NEDD4L: variants seen among roughly 807,000 people sequenced by gnomAD.
The protein encoded by NEDD4L is E3 ubiquitin-protein ligase NEDD4-like.
NEDD4L carries 54 observed loss-of-function variants against 148.9 expected under a neutral mutation model. The observed-to-expected ratio is 0.36, with a 90% CI of 0.29 to 0.45. NEDD4L has a LOEUF of 0.45. NEDD4L is among the 20% of genes least tolerant of loss of function. The probability of loss-of-function intolerance (pLI) is 1.00; values close to 1 mark genes in which losing one functional copy is unlikely to be tolerated. For synonymous variants in NEDD4L, 433 were observed against 440.7 expected, an observed-to-expected ratio of 0.98 and a Z score of 0.22; for missense variants, 856 against 1,233.8, an observed-to-expected ratio of 0.69 and a Z score of 4.59.
At chr18:58,205,133 TC>T (rs1417211582) in intron 2 of NEDD4L, among the ~76,000 whole-genome samples, 3 of 152,272 alleles carry the variant, frequency 2.0e-5, no homozygotes, top group Non-Finnish European at 4.4e-5. Context: ...AAAGGTATCA[TC>T]TTTATTATGT....
At chr18:58,124,454 C>T (rs1186489453) in intron 1 of NEDD4L, among the ~76,000 whole-genome samples, 1 of 152,216 alleles carries the variant, frequency 6.6e-6, no homozygotes, top group East Asian at 1.9e-4. Flanking sequence ...CCAAGTGCTG[C>T]TCCAAGTGCC....
chr18:58,163,792 T>A (rs1417846584), intron 1 of NEDD4L, among the ~76,000 whole-genome samples: 1 of 152,172 alleles, frequency 6.6e-6, no homozygotes, highest in African/African-American at 2.4e-5. Context: ...GTGAAGTATC[T>A]CAAGGATGTG....
intron 1 of NEDD4L, among the ~76,000 whole-genome samples, chr18:58,104,417 G>A (rs375688887): frequency 8.9e-4 from 135 of 152,202 alleles, no homozygotes; most frequent in African/African-American, 3.1e-3. Context: ...GCAACCACGC[G>A]GACGTGGTGG....
chr18:58,139,928 CTT>C (rs1486858664), intron 1 of NEDD4L, among the ~76,000 whole-genome samples: 1 of 152,270 alleles, frequency 6.6e-6, no homozygotes, highest in East Asian at 1.9e-4. Context: ...GGCTCCTAGA[CTT>C]AGCATTTCAA....
At chr18:58,265,049 G>A (rs958285423) in intron 5 of NEDD4L, among the ~76,000 whole-genome samples, 1 of 151,908 alleles carries the variant, frequency 6.6e-6, no homozygotes, top group African/African-American at 2.4e-5. Context: ...ACTAAGCAAG[G>A]CATTGGGTGA....
intron 6 of NEDD4L, among the ~76,000 whole-genome samples, chr18:58,318,501 G>A (rs1227251446): frequency 2.0e-5 from 3 of 152,164 alleles, no homozygotes; most frequent in Non-Finnish European, 2.9e-5. Context: ...TTACTACGCT[G>A]AGCCGTGGTT....
intron 1 of NEDD4L, among the ~76,000 whole-genome samples, chr18:58,050,372 A>T (rs1343628750): frequency 6.6e-6 from 1 of 152,170 alleles, no homozygotes; most frequent in Non-Finnish European, 1.5e-5. Flanking sequence ...CTGGAGGCTG[A>T]GGCAGGAGAA....
chr18:58,078,797 G>A (rs927983660), intron 1 of NEDD4L, among the ~76,000 whole-genome samples: 7 of 152,176 alleles, frequency 4.6e-5, no homozygotes, highest in South Asian at 2.1e-4. Context: ...AAGGTGAAAC[G>A]TGGTATTGGT....
At chr18:58,097,268 T>G (rs2084474663) in intron 1 of NEDD4L, among the ~76,000 whole-genome samples, 1 of 152,168 alleles carries the variant, frequency 6.6e-6, no homozygotes, top group Admixed American at 6.5e-5. Flanking sequence ...GTTAAGAACA[T>G]GGAGAGAGCA....
intron 5 of NEDD4L, among the ~76,000 whole-genome samples, chr18:58,282,778 A>C (rs143055072): frequency 6.6e-6 from 1 of 152,362 alleles, no homozygotes; most frequent in Non-Finnish European, 1.5e-5. Flanking sequence ...GAAAAACCTA[A>C]GGAAATATAG....
At chr18:58,112,921 A>G (rs1203312542) in intron 1 of NEDD4L, among the ~76,000 whole-genome samples, 4 of 152,196 alleles carry the variant, frequency 2.6e-5, no homozygotes, top group East Asian at 1.9e-4. Flanking sequence ...TCCTGAGGGT[A>G]GAGCCCTCAT....
chr18:58,382,569 A>G (rs891699016), intron 24 of NEDD4L, among the ~76,000 whole-genome samples: 1 of 152,122 alleles, frequency 6.6e-6, no homozygotes, highest in African/African-American at 2.4e-5. Context: ...CCCTTCCCTC[A>G]CGCTGGTTAC....
intron 2 of NEDD4L, among the ~76,000 whole-genome samples, chr18:58,185,950 C>T (rs551119980): frequency 6.6e-6 from 1 of 152,174 alleles, no homozygotes; most frequent in Admixed American, 6.5e-5. Flanking sequence ...CCAGCACTCC[C>T]AGTTCTGCCA....
In NEDD4L at chr18:58,357,219, C is replaced by T. The variant is rs1173866528; in HGVS notation, c.1734C>T (p.Asp578=). Residue 578 remains aspartate, a synonymous_variant, in exon 19 of 31, where the codon GAC becomes GAT. Coordinates refer to ENST00000400345, the MANE Select transcript of NEDD4L (RefSeq NM_001144967.3). The part of the protein sequence containing the change: ...DHNSKITQWE[D]PRLQNPAITG... ...ATAGCAAAATTACTCAGTGGGAAGA[C>T]CCAAGACTGCAGAACCCAGCTATTA... 1.2e-6 allele frequency: 2 copies of T among 1,612,164 alleles called. No homozygotes were observed. Among genetic ancestry groups the T allele is most frequent in the African/African-American group, 1.3e-5 (1 of 74,586 alleles).
chr18:58,214,603 C>T (rs943455620), intron 2 of NEDD4L, among the ~76,000 whole-genome samples: 3 of 37,730 alleles, frequency 8.0e-5, no homozygotes, highest in African/African-American at 5.2e-4. Flanking sequence ...ATTAGCTGCT[C>T]GGTTTGTGTG....
intron 1 of NEDD4L, among the ~76,000 whole-genome samples, chr18:58,065,003 A>G (rs1255356830): frequency 6.6e-6 from 1 of 152,220 alleles, no homozygotes; most frequent in Non-Finnish European, 1.5e-5. Flanking sequence ...GAGATGGCAC[A>G]CGTATTTTGC....
chr18:58,276,435 C>T (rs2052023031), intron 5 of NEDD4L, among the ~76,000 whole-genome samples: 1 of 152,006 alleles, frequency 6.6e-6, no homozygotes, highest in African/African-American at 2.4e-5. Context: ...TCTTGAACTC[C>T]TGACCTCGGG....
At chr18:58,346,151 C>T (rs1416435647) in intron 16 of NEDD4L, among the ~76,000 whole-genome samples, 3 of 152,100 alleles carry the variant, frequency 2.0e-5, no homozygotes, top group African/African-American at 7.2e-5. Context: ...AGACCAGGGG[C>T]TTGGGAGGGA....
chr18:58,272,070 A>G (rs2051122439), intron 5 of NEDD4L, among the ~76,000 whole-genome samples: 1 of 152,188 alleles, frequency 6.6e-6, no homozygotes, highest in Non-Finnish European at 1.5e-5. Context: ...GAAAAACCTT[A>G]TTACTTCTGA....
Sources: allele counts gnomAD v4.1 joint callset (sites outside exome capture counted in the v4.1 genomes callset), GRCh38; gene constraint gnomAD v4.1.1; transcripts MANE v1.5; gene names NCBI Gene and HGNC (gene_info 2026-07-23, HGNC 2026-07-21).